Variants in FAAH2 observed in about 807,000 individuals in gnomAD.
The protein encoded by FAAH2 is fatty-acid amide hydrolase 2.
Under a neutral mutation model 36.9 loss-of-function variants are expected in FAAH2, and 60 were observed. That is an observed-to-expected ratio of 1.63 (90% CI 1.32 to 2.02). The LOEUF (loss-of-function observed/expected upper bound fraction) is 2.02. Ranked by LOEUF, FAAH2 falls within the 30% of genes most tolerant of loss-of-function variation. The pLI, the probability that FAAH2 is intolerant of heterozygous loss-of-function variation, is 0.00. For synonymous variants in FAAH2, 214 were observed against 143.8 expected (o/e 1.49, Z -3.49); for missense variants, 689 against 397.5 (o/e 1.73, Z -6.23).
chrX:57,235,047 G>A, the FAAH2 span, among the ~76,000 whole-genome samples: 1 of 111,051 alleles, frequency 9.0e-6, no homozygotes, highest in Non-Finnish European at 1.9e-5. Flanking sequence ...CCATGGCCCA[G>A]GGACTGGGGG....
chrX:57,257,534 T>C, the FAAH2 span, among the ~76,000 whole-genome samples: 6 of 105,302 alleles, frequency 5.7e-5, 1 homozygote, highest in Admixed American at 6.1e-4. Flanking sequence ...CACACACCAT[T>C]GCCTGTCGGG....
At chrX:57,383,711 A>T (rs2054924349) in intron 7 of FAAH2, among the ~76,000 whole-genome samples, 1 of 112,044 alleles carries the variant, frequency 8.9e-6, no homozygotes, top group Non-Finnish European at 1.9e-5. Context: ...ATGCTCATGG[A>T]TAGGAAAAAT....
At chrX:57,266,024 G>T in the FAAH2 span, among the ~76,000 whole-genome samples, 28 of 111,383 alleles carry the variant, frequency 2.5e-4, 1 homozygote, top group African/African-American at 9.2e-4. Flanking sequence ...GAGCAAATTA[G>T]CTATTTCAGC....
the FAAH2 span, among the ~76,000 whole-genome samples, chrX:57,261,709 G>T: frequency 9.1e-6 from 1 of 110,068 alleles, no homozygotes; most frequent in Non-Finnish European, 1.9e-5. Context: ...AATTGTGGGT[G>T]GTTATGAATA....
upstream of FAAH2, among the ~76,000 whole-genome samples, chrX:57,282,566 G>A (rs2051764238): frequency 8.9e-6 from 1 of 112,128 alleles, no homozygotes; most frequent in Non-Finnish European, 1.9e-5. Context: ...TTCAACTGTA[G>A]TGTAATATGA....
the FAAH2 span, among the ~76,000 whole-genome samples, chrX:57,158,241 T>G: frequency 1.5e-4 from 17 of 112,194 alleles, no homozygotes; most frequent in East Asian, 4.8e-3. Flanking sequence ...CTTAATCCAG[T>G]CTATCATTGT....
the FAAH2 span, among the ~76,000 whole-genome samples, chrX:57,252,594 T>C: frequency 8.9e-6 from 1 of 112,143 alleles, no homozygotes; most frequent in South Asian, 3.7e-4. Flanking sequence ...TTTGCTGTTC[T>C]GGAGCCTCTG....
At position 57,400,212 on chromosome X, in the gene FAAH2, G is replaced by T. The variant is rs1340204025; in HGVS notation, c.996+19183G>T. ...ACAGCCACAAGTCTTCTTTAGCAAT[G>T]AGTATGCCATTCACATCACGAGATG... is the stretch of plus-strand genomic sequence containing the variant. On this transcript the variant is annotated intron_variant, in intron 7 of 10. Coordinates refer to ENST00000374900, the MANE Select transcript of FAAH2 (RefSeq NM_174912.4). 7.1e-5 allele frequency among the ~76,000 whole-genome samples: 8 copies of T among 112,181 alleles called. No individual in the cohort carries two copies. The Admixed American group carries it at 7.5e-4, about 11-fold the overall frequency.
intron 3 of FAAH2, among the ~76,000 whole-genome samples, chrX:57,314,796 G>A (rs943451141): frequency 5.4e-5 from 6 of 111,311 alleles, no homozygotes; most frequent in African/African-American, 1.3e-4. Context: ...ATTGTTACCA[G>A]GAAAGTTTAT....
intron 7 of FAAH2, among the ~76,000 whole-genome samples, chrX:57,430,376 G>A (rs894195339): frequency 9.0e-6 from 1 of 111,196 alleles, no homozygotes; most frequent in African/African-American, 3.3e-5. Flanking sequence ...AAAGCTGTGA[G>A]AAAGATTGAC....
At chrX:57,411,124 G>A (rs757797895) in intron 7 of FAAH2, among the ~76,000 whole-genome samples, 6 of 111,918 alleles carry the variant, frequency 5.4e-5, no homozygotes, top group East Asian at 5.6e-4. Context: ...ATTCTGGGAG[G>A]CGTTCAGACC....
chrX:57,396,725 T>C (rs181539923), intron 7 of FAAH2, among the ~76,000 whole-genome samples: 1 of 111,894 alleles, frequency 8.9e-6, no homozygotes. Flanking sequence ...TTTTTTCAAG[T>C]GTATTGAGCC....
intron 10 of FAAH2, among the ~76,000 whole-genome samples, chrX:57,464,346 C>A (rs1486580255): frequency 9.1e-6 from 1 of 110,400 alleles, no homozygotes; most frequent in Non-Finnish European, 1.9e-5. Flanking sequence ...ATAGGTGCAG[C>A]AAACCACCAT....
intron 7 of FAAH2, among the ~76,000 whole-genome samples, chrX:57,405,928 A>G (rs1411744323): frequency 1.8e-5 from 2 of 108,309 alleles, no homozygotes; most frequent in Non-Finnish European, 3.8e-5. Context: ...TATATTTTCA[A>G]TTCTTTATCT....
At chrX:57,453,732 C>T (rs755134974) in intron 10 of FAAH2, among the ~76,000 whole-genome samples, 1 of 112,004 alleles carries the variant, frequency 8.9e-6, no homozygotes, top group Non-Finnish European at 1.9e-5. Context: ...TCTTGAACCC[C>T]CGGAAAGCAC....
intron 5 of FAAH2, among the ~76,000 whole-genome samples, chrX:57,373,147 C>A (rs1322823306): frequency 9.0e-6 from 1 of 111,241 alleles, no homozygotes; most frequent in Non-Finnish European, 1.9e-5. Context: ...GGGATTTGGG[C>A]TGGTTCCATA....
chrX:57,428,523 G>A (rs970135497), intron 7 of FAAH2, among the ~76,000 whole-genome samples: 3 of 111,857 alleles, frequency 2.7e-5, no homozygotes, highest in Non-Finnish European at 3.8e-5. Context: ...ACAACAGCAT[G>A]GTATTGGTAT....
chrX:57,330,996 T>C (rs2053388876), intron 3 of FAAH2, among the ~76,000 whole-genome samples: 1 of 110,003 alleles, frequency 9.1e-6, no homozygotes, highest in South Asian at 4.0e-4. Flanking sequence ...GAATGAGGGG[T>C]GCTCAGATTG....
At chrX:57,175,030 G>T in the FAAH2 span, among the ~76,000 whole-genome samples, 1 of 111,371 alleles carries the variant, frequency 9.0e-6, no homozygotes, top group Non-Finnish European at 1.9e-5. Context: ...GTTATGTGTG[G>T]TGATAATGTA....
Sources: gnomAD v4.1 joint callset for allele counts (sites outside exome capture counted in the v4.1 genomes callset) on GRCh38, gnomAD v4.1.1 for gene constraint, MANE v1.5 for transcripts, NCBI Gene and HGNC (gene_info 2026-07-23, HGNC 2026-07-21) for gene names.